NLGN1: variants seen among roughly 807,000 people sequenced by gnomAD.
NLGN1 encodes neuroligin 1, also known as neuroligin-1.
In NLGN1, 12 loss-of-function variants were observed where a neutral mutation model predicts 65.5. The observed-to-expected ratio is 0.18, with a 90% CI of 0.12 to 0.30. The LOEUF is 0.30. Ranked by LOEUF, NLGN1 falls within the 10% of genes least tolerant of loss-of-function variation. The pLI is 1.00. For synonymous variants in NLGN1, 350 were observed against 359.5 expected, an observed-to-expected ratio of 0.97 and a Z score of 0.30; for missense variants, 750 against 1,007.1, an observed-to-expected ratio of 0.74 and a Z score of 3.46.
intron 4 of NLGN1, among the ~76,000 whole-genome samples, chr3:174,265,719 T>C (rs1319753457): frequency 6.7e-6 from 1 of 149,864 alleles, no homozygotes; most frequent in Non-Finnish European, 1.5e-5. Context: ...TAAATTTGTT[T>C]ATTGTATAAC....
At chr3:173,597,921 G>A (rs1291999152) in intron 2 of NLGN1, among the ~76,000 whole-genome samples, 2 of 151,990 alleles carry the variant, frequency 1.3e-5, no homozygotes, top group African/African-American at 4.8e-5. Flanking sequence ...TCTTCTTGAG[G>A]TTTTCAAACA....
At chr3:174,176,155 G>A (rs1370645716) in intron 4 of NLGN1, among the ~76,000 whole-genome samples, 2 of 151,834 alleles carry the variant, frequency 1.3e-5, no homozygotes, top group Non-Finnish European at 2.9e-5. Flanking sequence ...TACAAGTCAT[G>A]TTGGGAAGTT....
At chr3:174,197,518 C>CAAAAAAAAAAAAAAAAAAAAAAAAAAAAA (rs10663769) in intron 4 of NLGN1, among the ~76,000 whole-genome samples, 1 of 100,412 alleles carries the variant, frequency 1.0e-5, no homozygotes, top group Non-Finnish European at 1.9e-5. Context: ...TACTTAACCT[C>CAAAAAAAAAAAAAAAAAAAAAAAAAAAAA]AAAAAAAAAA....
intron 4 of NLGN1, among the ~76,000 whole-genome samples, chr3:174,106,817 C>A (rs1036462705): frequency 2.0e-5 from 3 of 152,014 alleles, no homozygotes; most frequent in Non-Finnish European, 4.4e-5. Context: ...TGTCTGAGGG[C>A]AGGAGAAGAC....
intron 2 of NLGN1, among the ~76,000 whole-genome samples, chr3:173,493,840 TAGAGAG>T (rs559000286): frequency 1.1e-4 from 16 of 150,314 alleles, no homozygotes; most frequent in Non-Finnish European, 1.9e-4. Flanking sequence ...TATATATATA[TAGAGAG>T]AGAGTATTTC....
At chr3:173,941,172 G>A (rs1326244750) in intron 4 of NLGN1, among the ~76,000 whole-genome samples, 1 of 151,970 alleles carries the variant, frequency 6.6e-6, no homozygotes, top group Admixed American at 6.6e-5. Flanking sequence ...ATTATCCGAA[G>A]ATCATAGTAC....
chr3:173,892,589 A>AAC, intron 4 of NLGN1, among the ~76,000 whole-genome samples: 1 of 151,984 alleles, frequency 6.6e-6, no homozygotes, highest in Admixed American at 6.6e-5. Context: ...AAAAAAAAAA[A>AAC]AATGACAGTT....
At chr3:173,618,612 A>C (rs1753508297) in intron 3 of NLGN1, among the ~76,000 whole-genome samples, 1 of 152,166 alleles carries the variant, frequency 6.6e-6, no homozygotes, top group Admixed American at 6.6e-5. Context: ...CACCATAGGC[A>C]GAGTGTTTGG....
intron 3 of NLGN1, among the ~76,000 whole-genome samples, chr3:173,697,310 A>G (rs912839424): frequency 2.0e-5 from 3 of 152,092 alleles, no homozygotes; most frequent in African/African-American, 4.8e-5. Context: ...TATTTTTTAC[A>G]TATTTTCCAA....
At chr3:174,001,644 A>G (rs1242141790) in intron 4 of NLGN1, among the ~76,000 whole-genome samples, 1 of 152,186 alleles carries the variant, frequency 6.6e-6, no homozygotes, top group African/African-American at 2.4e-5. Flanking sequence ...TCATCAATAG[A>G]GTAATATGTA....
At chr3:173,955,516 A>G (rs1191520355) in intron 4 of NLGN1, among the ~76,000 whole-genome samples, 1 of 152,176 alleles carries the variant, frequency 6.6e-6, no homozygotes, top group Non-Finnish European at 1.5e-5. Context: ...CACCTCCAGA[A>G]CAATGCTTTG....
chr3:173,814,597 A>G (rs1718642050), intron 4 of NLGN1, among the ~76,000 whole-genome samples: 1 of 152,180 alleles, frequency 6.6e-6, no homozygotes, highest in African/African-American at 2.4e-5. Context: ...TAAGTGTGTC[A>G]ATTATTGTGG....
At chr3:173,507,074 G>A (rs926111782) in intron 2 of NLGN1, among the ~76,000 whole-genome samples, 39 of 152,134 alleles carry the variant, frequency 2.6e-4, no homozygotes, top group African/African-American at 9.4e-4. Context: ...TTAATGTAGA[G>A]TTGGGTCACT....
At chr3:174,204,266 CAATT>C (rs537096327) in intron 4 of NLGN1, among the ~76,000 whole-genome samples, 7 of 151,908 alleles carry the variant, frequency 4.6e-5, no homozygotes, top group African/African-American at 1.4e-4. Context: ...TCTTTAAAAA[CAATT>C]AATCAGAATA....
intron 3 of NLGN1, among the ~76,000 whole-genome samples, chr3:173,608,979 T>C (rs1364557683): frequency 6.6e-6 from 1 of 152,114 alleles, no homozygotes; most frequent in South Asian, 2.1e-4. Context: ...CAGATTAAGA[T>C]CCCCACATAT....
At chr3:173,782,230 A>T (rs993474873) in intron 3 of NLGN1, among the ~76,000 whole-genome samples, 2 of 152,190 alleles carry the variant, frequency 1.3e-5, no homozygotes, top group African/African-American at 4.8e-5. Flanking sequence ...AAGCAGGGAA[A>T]GTACATAATA....
chr3:173,570,938 G>A lies in NLGN1; in HGVS notation c.-320-33341G>A, dbSNP rs140219808. ...AGGCTGGTCTCGAACTGCTGACCTC[G>A]TGATCCACCCGTCTCGGCCTCTCAA... On this transcript the variant is annotated intron_variant, in intron 2 of 6. Transcript: ENST00000457714. 3.3e-3 allele frequency among the ~76,000 whole-genome samples: 498 copies of A among 152,216 alleles called. 1 individual carries two copies. The highest frequency in any genetic ancestry group is 0.011 in the African/African-American group (457 of 41,540).
intron 3 of NLGN1, among the ~76,000 whole-genome samples, chr3:173,699,984 T>TA (rs1457939404): frequency 2.7e-4 from 41 of 152,212 alleles, no homozygotes; most frequent in Non-Finnish European, 8.8e-5. Context: ...TGAAAAGAGC[T>TA]AATTCACCTA....
chr3:174,017,237 T>C (rs1726764460), intron 4 of NLGN1, among the ~76,000 whole-genome samples: 1 of 152,208 alleles, frequency 6.6e-6, no homozygotes, highest in Non-Finnish European at 1.5e-5. Flanking sequence ...TTCACTCTTC[T>C]TTTGGCTGAT....
Sources: gnomAD v4.1 joint callset for allele counts (sites outside exome capture counted in the v4.1 genomes callset) on GRCh38, gnomAD v4.1.1 for gene constraint, MANE v1.5 for transcripts, NCBI Gene and HGNC (gene_info 2026-07-23, HGNC 2026-07-21) for gene names.